Variants in CEP192 observed in about 807,000 individuals in gnomAD.
CEP192 encodes the protein centrosomal protein 192, also known as centrosomal protein of 192 kDa.
CEP192 carries 151 observed loss-of-function variants against 271.8 expected under a neutral mutation model. The ratio of observed to expected loss-of-function variants is 0.56; its 90% CI spans 0.49 to 0.64. The LOEUF is 0.64. Among genes scored for constraint, CEP192 ranks in the 30% least tolerant of loss-of-function variants. CEP192 has a pLI of 0.00. For synonymous variants in CEP192, 995 were observed against 1,076.5 expected (o/e 0.92, Z 1.48); for missense variants, 2,910 against 3,020.5 (o/e 0.96, Z 0.86).
At chr18:13,027,906 T>C (rs183866277) in intron 9 of CEP192, among the ~76,000 whole-genome samples, 203 of 152,308 alleles carry the variant, frequency 1.3e-3, no homozygotes, top group African/African-American at 4.4e-3. Context: ...TATGGAAATA[T>C]ATTGATCTTT....
intron 1 of CEP192, 89 bp from the exon 2 acceptor site, chr18:12,999,325 TCCTAAGA>T: frequency 1.0e-6 from 1 of 991,434 alleles, no homozygotes; most frequent in Admixed American, 3.5e-5. Context: ...AGGATTTTTT[TCCTAAGA>T]TTTATTAGTT....
chr18:13,017,273 A>G lies in CEP192; in HGVS notation c.726A>G (p.Glu242=), dbSNP rs1208944848. ...TGGCAATTCCAGGAATGATATATGA[A>G]GACCTAGAAGGACCAGAACCTCCAG... The part of the protein sequence containing the change: ...EQLAIPGMIY[E]DLEGPEPPEK... The change falls in exon 7 of 45, where the codon GAA becomes GAG. Residue 242 remains glutamate (E), a synonymous_variant. Coordinates refer to ENST00000506447, the MANE Select transcript of CEP192 (RefSeq NM_032142.4). 4 of 1,550,468 alleles carry G rather than the reference A, an allele frequency of 2.6e-6. No individual in the cohort carries two copies. Among genetic ancestry groups the G allele is most frequent in the African/African-American group, 1.4e-5 (1 of 73,012 alleles).
At position 13,117,517 on chromosome 18, in the gene CEP192, G is replaced by C. The variant is rs757133034; in HGVS notation, c.7417-68G>C. 42 of 1,100,818 alleles carry C rather than the reference G, an allele frequency of 3.8e-5. No individual in the cohort carries two copies. In the East Asian group the frequency reaches 1.0e-3, roughly 26 times the overall value. 68.2% of individuals were successfully genotyped at this position (1,100,818 alleles called of 1,614,324 possible). ...ATGTATCTGTAATAAATAAATGCTT[G>C]GTATGCTTATATATGCTAAAAGATC... On this transcript the variant is annotated intron_variant, in intron 43 of 44. Coordinates refer to ENST00000506447, the MANE Select transcript of CEP192 (RefSeq NM_032142.4).
intron 40 of CEP192, among the ~76,000 whole-genome samples, chr18:13,109,217 C>T (rs1010996227): frequency 2.6e-5 from 4 of 152,084 alleles, no homozygotes; most frequent in East Asian, 1.9e-4. Context: ...ACTGTGCAGC[C>T]GTAGAATCAA....
intron 36 of CEP192, among the ~76,000 whole-genome samples, chr18:13,098,218 C>T (rs954842327): frequency 1.3e-5 from 2 of 152,184 alleles, no homozygotes; most frequent in South Asian, 2.1e-4. Flanking sequence ...CCAGTAGGGG[C>T]GGCCGGGCAG....
chr18:13,060,219 T>G (rs1170873272), intron 21 of CEP192, among the ~76,000 whole-genome samples: 2 of 152,232 alleles, frequency 1.3e-5, no homozygotes, highest in Admixed American at 6.5e-5. Context: ...TCCTAGGCTA[T>G]GTACCATTGT....
chr18:13,088,781 AT>A (rs1236092962), intron 32 of CEP192: 1 of 259,846 alleles, frequency 3.8e-6, no homozygotes, highest in Admixed American at 4.5e-5. Flanking sequence ...ACAAGAGGGA[AT>A]TTAATGGCGA....
chr18:13,102,962 C>T (rs2039784281), intron 38 of CEP192, among the ~76,000 whole-genome samples: 1 of 152,214 alleles, frequency 6.6e-6, no homozygotes, highest in Non-Finnish European at 1.5e-5. Flanking sequence ...CCTCCAGGCT[C>T]AGCCTCATGT....
chr18:13,112,881 AT>A (rs1323430391), intron 40 of CEP192, among the ~76,000 whole-genome samples: 1 of 152,254 alleles, frequency 6.6e-6, no homozygotes, highest in African/African-American at 2.4e-5. Context: ...TTGTTAACTG[AT>A]TCATTGTTAA....
At chr18:13,085,473 T>C (rs60827697) in intron 30 of CEP192, among the ~76,000 whole-genome samples, 20,892 of 152,254 alleles carry the variant, frequency 0.14, 1,578 homozygotes, top group East Asian at 0.31. Flanking sequence ...TTTGCCCATG[T>C]CTGTGTCCTG....
intron 28 of CEP192, among the ~76,000 whole-genome samples, chr18:13,071,520 T>C (rs1022117955): frequency 1.8e-4 from 28 of 152,334 alleles, no homozygotes; most frequent in African/African-American, 6.5e-4. Context: ...GAGAGCTGCA[T>C]AGAGAATATG....
chr18:12,996,776 G>T (rs1302329869), intron 1 of CEP192, among the ~76,000 whole-genome samples: 1 of 152,180 alleles, frequency 6.6e-6, no homozygotes, highest in Admixed American at 6.5e-5. Flanking sequence ...TGAATGTTAG[G>T]CTACAGAAGA....
At chr18:13,016,467 C>T (rs530967810) in intron 6 of CEP192, among the ~76,000 whole-genome samples, 1 of 152,322 alleles carries the variant, frequency 6.6e-6, no homozygotes, top group African/African-American at 2.4e-5. Flanking sequence ...GAGTGAGCAT[C>T]ACATCCATGG....
chr18:13,100,178 A>G lies in CEP192; in HGVS notation c.6664-127A>G, dbSNP rs2039637783. On this transcript the variant is annotated intron_variant, in intron 37 of 44. Transcript: ENST00000506447. ...TACCTTGAGATCTAAATAAACTTTA[A>G]TTCCTAAATTTATTGATGTTTTGTT... is the stretch of plus-strand genomic sequence containing the variant. 3 of 666,422 alleles carry G rather than the reference A, an allele frequency of 4.5e-6. No individual in the cohort carries two copies. In the South Asian group the frequency reaches 5.8e-5, roughly 13 times the overall value. 41.3% of individuals were successfully genotyped at this position (666,422 alleles called of 1,614,324 possible).
intron 21 of CEP192, among the ~76,000 whole-genome samples, chr18:13,067,450 T>C (rs1368377285): frequency 6.6e-6 from 1 of 152,222 alleles, no homozygotes; most frequent in Non-Finnish European, 1.5e-5. Flanking sequence ...CATTTTAACA[T>C]TTGCAGATTA....
intron 5 of CEP192, 42 bp downstream of exon 5, chr18:13,013,067 AG>A: frequency 1.0e-6 from 1 of 984,596 alleles, no homozygotes; most frequent in Non-Finnish European, 1.5e-6. Flanking sequence ...GGAGTACTAT[AG>A]GGCAGTAAAA....
At position 13,052,905 on chromosome 18, in the gene CEP192, C is replaced by A; in HGVS notation, c.3018-14C>A. 1 of 1,567,788 alleles carries A rather than the reference C, an allele frequency of 6.4e-7. No homozygotes were observed. ...ACTGGAGAACTCCAGGTGTGAGCTACTCTTCTCTTTCAGGTGTGCGTTAGA... is the reference window on the plus strand; with the variant it reads ...ACTGGAGAACTCCAGGTGTGAGCTAATCTTCTCTTTCAGGTGTGCGTTAGA... On this transcript the variant is annotated splice_polypyrimidine_tract_variant and intron_variant, in intron 17 of 44. Coordinates refer to ENST00000506447, the MANE Select transcript of CEP192 (RefSeq NM_032142.4).
intron 18 of CEP192, among the ~76,000 whole-genome samples, chr18:13,055,472 C>A (rs556807599): frequency 6.6e-6 from 1 of 152,092 alleles, no homozygotes; most frequent in African/African-American, 2.4e-5. Context: ...TTACAGAAAT[C>A]CCTTAAATCT....
chr18:13,017,408 A>G, intron 7 of CEP192, 72 bp downstream of exon 7: 2 of 1,202,160 alleles, frequency 1.7e-6, no homozygotes, highest in Non-Finnish European at 2.3e-6. Context: ...TTGGATGTTC[A>G]CATGAAATGT....
Sources: gnomAD v4.1 joint callset for allele counts (sites outside exome capture counted in the v4.1 genomes callset) on GRCh38, gnomAD v4.1.1 for gene constraint, MANE v1.5 for transcripts, NCBI Gene and HGNC (gene_info 2026-07-23, HGNC 2026-07-21) for gene names.